Variants in NBEA observed in about 807,000 individuals in gnomAD.
NBEA encodes the protein neurobeachin, also known as lysosomal-trafficking regulator 2.
A neutral mutation model predicts 343.4 loss-of-function variants in NBEA; 44 were observed. The observed-to-expected ratio is 0.13, with a 90% confidence interval of 0.10 to 0.16. NBEA has a LOEUF of 0.16. Among genes scored for constraint, NBEA ranks in the 10% least tolerant of loss-of-function variants. The probability of loss-of-function intolerance (pLI) is 1.00; values close to 1 mark genes in which losing one functional copy is unlikely to be tolerated. For missense variants in NBEA, 2,555 were observed against 3,631.3 expected (o/e 0.70, Z 7.62); for synonymous variants, 1,175 against 1,238.7 (o/e 0.95, Z 1.08).
chr13:35,002,155 C>A (rs2061162443), intron 1 of NBEA, among the ~76,000 whole-genome samples: 1 of 152,096 alleles, frequency 6.6e-6, no homozygotes, highest in Admixed American at 6.6e-5. Flanking sequence ...GCTCAGGGGT[C>A]CCATCTGAGA....
chr13:34,951,056 A>G (rs2059335700), intron 1 of NBEA, among the ~76,000 whole-genome samples: 1 of 152,198 alleles, frequency 6.6e-6, no homozygotes, highest in Non-Finnish European at 1.5e-5. Flanking sequence ...TGGGCTCGTA[A>G]ACTGTTACAG....
chr13:35,311,267 A>G (rs893870852), intron 36 of NBEA, among the ~76,000 whole-genome samples: 3 of 151,900 alleles, frequency 2.0e-5, no homozygotes, highest in Non-Finnish European at 4.4e-5. Flanking sequence ...AGTTTTAGAA[A>G]TAACTCTCAA....
chr13:34,960,371 T>C lies in NBEA; in HGVS notation c.294+17257T>C, dbSNP rs1216022638. Among the ~76,000 whole-genome samples the C allele has an allele frequency of 3.9e-5, 6 of 151,994 alleles. No individual in the cohort carries two copies. The East Asian group carries it at 9.6e-4, about 24-fold the overall frequency. Reference sequence around the variant, plus strand: ...AATGAAAGTTTATAAAGTAAAAAAGTTTATAGTAAGCTAAGTTTACTTTAA... The same window carrying C: ...AATGAAAGTTTATAAAGTAAAAAAGCTTATAGTAAGCTAAGTTTACTTTAA... On this transcript the variant is annotated intron_variant, in intron 1 of 58. Coordinates refer to ENST00000379939, the MANE Select transcript of NBEA (RefSeq NM_001385012.1).
At chr13:35,562,338 A>G (rs1358594388) in intron 44 of NBEA, among the ~76,000 whole-genome samples, 1 of 152,082 alleles carries the variant, frequency 6.6e-6, no homozygotes, top group East Asian at 1.9e-4. Context: ...TTTCTGAAAA[A>G]TACAACCTAT....
rs182932984 is a variant in NBEA at position 35,272,093 on chromosome 13, C to T, written c.5777-18296C>T. Among the ~76,000 whole-genome samples, 371 of 152,174 alleles carry T rather than the reference C, an allele frequency of 2.4e-3. 4 individuals carry two copies. The highest frequency in any genetic ancestry group is 0.019 in the Admixed American group (284 of 15,278). ...GTTGAAATGAAGGAAAAAATGTTAA[C>T]GGCAGCCAGAGAGAAAGGTTGGGTT... is the stretch of plus-strand genomic sequence containing the variant. On this transcript the variant is annotated intron_variant, in intron 34 of 58. Coordinates refer to ENST00000379939, the MANE Select transcript of NBEA (RefSeq NM_001385012.1).
At chr13:35,603,937 G>A (rs2082171584) in intron 47 of NBEA, among the ~76,000 whole-genome samples, 1 of 152,196 alleles carries the variant, frequency 6.6e-6, no homozygotes, top group African/African-American at 2.4e-5. Flanking sequence ...GTGAGAGTAA[G>A]AGCAGAAGAA....
At chr13:35,286,449 A>G (rs983182503) in intron 34 of NBEA, among the ~76,000 whole-genome samples, 5 of 152,132 alleles carry the variant, frequency 3.3e-5, no homozygotes, top group African/African-American at 4.8e-5. Flanking sequence ...TTAGTTCCAT[A>G]TAAGAGCATG....
intron 1 of NBEA, among the ~76,000 whole-genome samples, chr13:35,019,810 T>C (rs2061773480): frequency 1.3e-5 from 2 of 152,228 alleles, no homozygotes; most frequent in African/African-American, 4.8e-5. Context: ...TTCACAAGAA[T>C]AACTTATCTC....
chr13:35,054,347 G>T (rs1350906955), intron 6 of NBEA, among the ~76,000 whole-genome samples: 4 of 151,758 alleles, frequency 2.6e-5, no homozygotes, highest in Non-Finnish European at 5.9e-5. Flanking sequence ...TCTTTTTACG[G>T]TTTTTTCTTG....
intron 1 of NBEA, among the ~76,000 whole-genome samples, chr13:34,977,232 G>A (rs769345055): frequency 3.8e-4 from 58 of 151,730 alleles, no homozygotes; most frequent in Non-Finnish European, 6.2e-4. Context: ...GAGCCACTGC[G>A]CCCAGCTAGA....
intron 41 of NBEA, chr13:35,475,109 G>A (rs2075803589): frequency 2.5e-6 from 4 of 1,613,834 alleles, no homozygotes. Context: ...CTTGCCAGTC[G>A]CCACGTTTGT....
intron 38 of NBEA, among the ~76,000 whole-genome samples, chr13:35,405,847 G>C (rs2152911637): frequency 6.6e-6 from 1 of 152,158 alleles, no homozygotes; most frequent in South Asian, 2.1e-4. Flanking sequence ...TTCCAAGTGT[G>C]GTAATTGCTC....
At chr13:35,067,227 A>G (rs1406518990) in intron 8 of NBEA, among the ~76,000 whole-genome samples, 1 of 152,088 alleles carries the variant, frequency 6.6e-6, no homozygotes, top group African/African-American at 2.4e-5. Context: ...CTTCTGATTT[A>G]TCATTTATGA....
chr13:35,194,363 G>T (rs1252059007), intron 30 of NBEA, among the ~76,000 whole-genome samples: 1 of 152,008 alleles, frequency 6.6e-6, no homozygotes, highest in African/African-American at 2.4e-5. Context: ...CTATTTTCCT[G>T]TTGGGCAGTT....
intron 47 of NBEA, among the ~76,000 whole-genome samples, chr13:35,595,819 T>C (rs2081768096): frequency 6.6e-6 from 1 of 152,104 alleles, no homozygotes; most frequent in African/African-American, 2.4e-5. Flanking sequence ...TCATCACTAT[T>C]GTATTAAACA....
chr13:35,423,268 A>T (rs1419504396), intron 38 of NBEA, among the ~76,000 whole-genome samples: 1 of 151,900 alleles, frequency 6.6e-6, no homozygotes, highest in Non-Finnish European at 1.5e-5. Flanking sequence ...TCTTTTAGGG[A>T]TTTTATGGTT....
chr13:35,455,214 C>T (rs2046508087), intron 40 of NBEA, among the ~76,000 whole-genome samples: 1 of 151,794 alleles, frequency 6.6e-6, no homozygotes, highest in South Asian at 2.1e-4. Flanking sequence ...TTACAAAACC[C>T]CGTTTTGCTG....
intron 48 of NBEA, among the ~76,000 whole-genome samples, chr13:35,617,081 T>C (rs550147442): frequency 5.3e-5 from 8 of 152,360 alleles, no homozygotes; most frequent in African/African-American, 1.9e-4. Flanking sequence ...GAAGGATACA[T>C]ATTGTGCATC....
intron 40 of NBEA, among the ~76,000 whole-genome samples, chr13:35,463,488 G>C (rs1042338507): frequency 6.6e-6 from 1 of 152,002 alleles, no homozygotes; most frequent in Non-Finnish European, 1.5e-5. Flanking sequence ...AGCCAGGTGT[G>C]GTGGTGCGAG....
Sources: allele counts gnomAD v4.1 joint callset (sites outside exome capture counted in the v4.1 genomes callset), GRCh38; gene constraint gnomAD v4.1.1; transcripts MANE v1.5; gene names NCBI Gene and HGNC (gene_info 2026-07-23, HGNC 2026-07-21).